The following NOSTRIN variants were observed in gnomAD, a reference collection of about 807,000 sequenced individuals.
NOSTRIN encodes nitric oxide synthase trafficking.
Under a neutral mutation model 59.0 loss-of-function variants are expected in NOSTRIN, and 63 were observed. The observed-to-expected ratio is 1.07, with a 90% CI of 0.87 to 1.32. The LOEUF (loss-of-function observed/expected upper bound fraction) is 1.32, where lower values mean the gene tolerates loss of function less well. Ranked by LOEUF, NOSTRIN falls within the 40% of genes most tolerant of loss-of-function variation. The probability of loss-of-function intolerance (pLI) is 0.00; values close to 1 mark genes in which losing one functional copy is unlikely to be tolerated. For missense variants in NOSTRIN, 512 were observed against 473.1 expected (o/e 1.08, Z -0.76); for synonymous variants, 200 against 165.4 (o/e 1.21, Z -1.61).
At chr2:168,800,384 G>A (rs1403173396), upstream of NOSTRIN, among the ~76,000 whole-genome samples, 1 of 152,152 alleles carries the variant, frequency 6.6e-6, no homozygotes, top group Non-Finnish European at 1.5e-5. Context: ...CCAAAATCAA[G>A]GCTTTTTGCA....
upstream of NOSTRIN, among the ~76,000 whole-genome samples, chr2:168,793,505 G>T (rs979032614): frequency 2.0e-5 from 3 of 152,140 alleles, no homozygotes; most frequent in African/African-American, 7.2e-5. Context: ...TAACTGCTTG[G>T]AAGGCTGAGG....
At chr2:168,820,329 A>T (rs910987330) in intron 2 of NOSTRIN, among the ~76,000 whole-genome samples, 10 of 152,162 alleles carry the variant, frequency 6.6e-5, no homozygotes, top group Admixed American at 5.9e-4. Context: ...CTCATGGGTT[A>T]TCAGGGATTA....
chr2:168,810,328 T>C (rs966264665), intron 1 of NOSTRIN, among the ~76,000 whole-genome samples: 4 of 152,216 alleles, frequency 2.6e-5, no homozygotes, highest in African/African-American at 9.6e-5. Flanking sequence ...ATGGTAAGAC[T>C]GTTCCTGTAT....
At chr2:168,846,920 C>G (rs143474960) in intron 8 of NOSTRIN, among the ~76,000 whole-genome samples, 1,537 of 152,280 alleles carry the variant, frequency 0.01, 18 homozygotes, top group Middle Eastern at 0.037. Flanking sequence ...GACAGTAGGG[C>G]TTCATTCTTT....
rs144162662 is a variant in NOSTRIN at position 168,840,800 on chromosome 2, T to C, written c.505-2192T>C. On this transcript the variant is annotated intron_variant, in intron 7 of 15. Coordinates refer to ENST00000317647, the MANE Select transcript of NOSTRIN (RefSeq NM_001039724.4). ...GGGATCTTTGATGTTTTTTAAAGAATGGTTTGAAGACCATTTGCATCAGAA... is the reference window on the plus strand; with the variant it reads ...GGGATCTTTGATGTTTTTTAAAGAACGGTTTGAAGACCATTTGCATCAGAA... 5.6e-3 allele frequency among the ~76,000 whole-genome samples: 847 copies of C among 152,254 alleles called. 13 individuals carry two copies. The highest frequency in any genetic ancestry group is 0.02 in the African/African-American group (812 of 41,536).
At chr2:168,845,795 T>A (rs1031302387) in intron 8 of NOSTRIN, among the ~76,000 whole-genome samples, 24 of 151,428 alleles carry the variant, frequency 1.6e-4, no homozygotes, top group Middle Eastern at 3.4e-3. Context: ...TCTTCCTTTT[T>A]TTTTTTTTTT....
chr2:168,797,072 C>CTTTTTTTT (rs1168296049), upstream of NOSTRIN, among the ~76,000 whole-genome samples: 5 of 85,348 alleles, frequency 5.9e-5, no homozygotes, highest in African/African-American at 2.0e-4. Flanking sequence ...CTTTCTTTTT[C>CTTTTTTTT]TTTTTTCTTT....
Position 168,865,365 on chromosome 2 carries a change from C to G in NOSTRIN, c.*395C>G, listed in dbSNP as rs992395175. 4 of 166,828 alleles carry G rather than the reference C, an allele frequency of 2.4e-5. No homozygotes were observed. Among genetic ancestry groups the G allele is most frequent in the African/African-American group, 9.6e-5 (4 of 41,664 alleles). The allele number at this position is 166,828 out of a possible 1,614,324, so 10.3% of individuals were successfully genotyped here. A position where few individuals can be genotyped will look rare whatever the true frequency, so the allele number is the denominator to read the frequency against. On this transcript the variant is annotated 3_prime_UTR_variant, in exon 16 of 16. Transcript: ENST00000317647. ...CCTCTGGATTTGGGTGGCAACAGAA[C>G]ACAGCAGGCCTATGAGGGGGTCAAG...
chr2:168,828,331 C>T (rs1344437035), intron 4 of NOSTRIN, 89 bp from the exon 5 acceptor site: 8 of 863,264 alleles, frequency 9.3e-6, no homozygotes, highest in Non-Finnish European at 1.6e-5. Flanking sequence ...TGTTCCATAA[C>T]ACACTATTTT....
intron 6 of NOSTRIN, among the ~76,000 whole-genome samples, chr2:168,832,078 G>A (rs1687394050): frequency 6.6e-6 from 1 of 152,130 alleles, no homozygotes; most frequent in African/African-American, 2.4e-5. Context: ...CCCAGTGAGG[G>A]GTGGGTAGTG....
intron 2 of NOSTRIN, among the ~76,000 whole-genome samples, chr2:168,813,834 C>A (rs780817769): frequency 6.6e-6 from 1 of 152,118 alleles, no homozygotes; most frequent in Non-Finnish European, 1.5e-5. Flanking sequence ...CATATTAGGT[C>A]ATTTATGTAA....
At chr2:168,862,750 C>T (rs938375842) in intron 15 of NOSTRIN, among the ~76,000 whole-genome samples, 1 of 130,496 alleles carries the variant, frequency 7.7e-6, no homozygotes, top group East Asian at 3.0e-4. Context: ...AGTCTCCAGC[C>T]TCAACCTTCT....
chr2:168,829,512 G>C (rs934630220), intron 5 of NOSTRIN, among the ~76,000 whole-genome samples: 3 of 152,048 alleles, frequency 2.0e-5, no homozygotes, highest in African/African-American at 7.3e-5. Context: ...GTAGAGACCA[G>C]GGATCGCTAT....
rs1240068159 is a variant in NOSTRIN, at chr2:168,834,476, AATC to A, written c.504+154_504+156del. ...TGACAGAGCATAAAAGGGGATTCCA[AATC>A]ATTACTGGCGTGCGCGCGCGCGCGC... On this transcript the variant is annotated intron_variant, in intron 7 of 15. Coordinates refer to ENST00000317647, the MANE Select transcript of NOSTRIN (RefSeq NM_001039724.4). 5.7e-6 allele frequency: 3 copies of A among 523,750 alleles called. No homozygotes were observed. In the African/African-American group the frequency reaches 6.8e-5, roughly 12 times the overall value. The allele number at this position is 523,750 out of a possible 1,614,324, so 32.4% of individuals were successfully genotyped here.
upstream of NOSTRIN, among the ~76,000 whole-genome samples, chr2:168,793,333 G>A (rs182369397): frequency 1.9e-4 from 29 of 152,240 alleles, no homozygotes; most frequent in African/African-American, 6.0e-4. Context: ...TTGGCCAGGC[G>A]CCATGGCTCA....
At position 168,860,680 on chromosome 2, in the gene NOSTRIN, AAGAAAAAACAAAC is replaced by A. The variant is rs910672050; in HGVS notation, c.1180-103_1180-91del. On this transcript the variant is annotated intron_variant, in intron 13 of 15. Coordinates refer to ENST00000317647, the MANE Select transcript of NOSTRIN (RefSeq NM_001039724.4). ...GGCAAGACTCTGTCTAAAAAAAAAA[AAGAAAAAACAAAC>A]AGAAAAAACAACTTGAGGAAAACAG... The A allele has an allele frequency of 1.6e-5, 11 of 700,080 alleles. No homozygotes were observed. In the Admixed American group the frequency reaches 1.9e-4, roughly 12 times the overall value. The allele number at this position is 700,080 out of a possible 1,614,324, so 43.4% of individuals were successfully genotyped here.
chr2:168,850,614 T>TG (rs1198043730), intron 8 of NOSTRIN, among the ~76,000 whole-genome samples: 2 of 148,468 alleles, frequency 1.3e-5, no homozygotes, highest in Admixed American at 1.3e-4. Context: ...TTTTTTTTTT[T>TG]TGTAAAAACA....
chr2:168,860,449 T>C (rs933428628), intron 13 of NOSTRIN, among the ~76,000 whole-genome samples: 1 of 152,180 alleles, frequency 6.6e-6, no homozygotes, highest in African/African-American at 2.4e-5. Flanking sequence ...GGCAGGCGGA[T>C]CACCTGAGGT....
chr2:168,806,569 T>G (rs1237930407), intron 1 of NOSTRIN, among the ~76,000 whole-genome samples: 3 of 150,246 alleles, frequency 2.0e-5, no homozygotes, highest in Non-Finnish European at 4.5e-5. Flanking sequence ...GTTGTCTATT[T>G]GAGAAGGGGT....
Sources: gnomAD v4.1 joint callset for allele counts (sites outside exome capture counted in the v4.1 genomes callset) on GRCh38, gnomAD v4.1.1 for gene constraint, MANE v1.5 for transcripts, NCBI Gene and HGNC (gene_info 2026-07-23, HGNC 2026-07-21) for gene names.